The following FYB2 variants were observed in gnomAD, a reference collection of about 807,000 sequenced individuals.
FYB2 encodes the protein FYN binding protein 2.
Under a neutral mutation model 94.1 loss-of-function variants are expected in FYB2, and 103 were observed. That is an observed-to-expected ratio of 1.09 (90% CI 0.93 to 1.29). The LOEUF is 1.29. Among genes scored for constraint, FYB2 ranks in the 50% most tolerant of loss-of-function variants. The probability of loss-of-function intolerance (pLI) is 0.00; values close to 1 mark genes in which losing one functional copy is unlikely to be tolerated. For synonymous variants in FYB2, 293 were observed against 287.9 expected (o/e 1.02, Z -0.18); for missense variants, 896 against 841.5 (o/e 1.06, Z -0.80).
At chr1:56,763,718 G>A (rs1477744905) in intron 5 of FYB2, among the ~76,000 whole-genome samples, 2 of 151,692 alleles carry the variant, frequency 1.3e-5, no homozygotes, top group Non-Finnish European at 2.9e-5. Flanking sequence ...CTAGAAGTTT[G>A]TCAATTTTAT....
chr1:56,726,033 C>G (rs114869566), intron 16 of FYB2, among the ~76,000 whole-genome samples: 3 of 152,140 alleles, frequency 2.0e-5, no homozygotes, highest in African/African-American at 7.2e-5. Flanking sequence ...CTCAGTAAAA[C>G]ATTTTCTTGT....
At chr1:56,802,600 A>T (rs1027436633) in intron 1 of FYB2, among the ~76,000 whole-genome samples, 2 of 152,212 alleles carry the variant, frequency 1.3e-5, no homozygotes, top group Non-Finnish European at 2.9e-5. Flanking sequence ...CAGCTAGAGT[A>T]AAAATTGAGT....
At chr1:56,766,308 G>C (rs894086226) in intron 5 of FYB2, among the ~76,000 whole-genome samples, 2 of 152,148 alleles carry the variant, frequency 1.3e-5, no homozygotes, top group African/African-American at 2.4e-5. Flanking sequence ...CATTTTGGGG[G>C]TGCTGGGCAG....
At chr1:56,822,652 G>C (rs1646998992), upstream of FYB2, among the ~76,000 whole-genome samples, 1 of 151,696 alleles carries the variant, frequency 6.6e-6, no homozygotes, top group South Asian at 2.1e-4. Context: ...GAGCTCTGCA[G>C]TGTCTCCTAT....
rs1644931786 is a variant in FYB2, at chr1:56,740,703, T to C, written c.1697A>G (p.Asn566Ser). ...ATTTAAAGGGACTTTTTACCTTAAGTTTTCTTTCGACTTGGTTTTCTTTAT... is the reference window on the plus strand; with the variant it reads ...ATTTAAAGGGACTTTTTACCTTAAGCTTTCTTTCGACTTGGTTTTCTTTAT... ...FKIKKTKSKE[N>S]LSAFSILLPD... Residue 566 changes from asparagine (N) to serine (S), a missense_variant, in exon 13 of 20, where the codon AAC becomes AGC. Coordinates refer to ENST00000343433, the MANE Select transcript of FYB2 (RefSeq NM_001004303.5). 1 of 1,589,802 alleles carries C rather than the reference T, an allele frequency of 6.3e-7. No homozygotes were observed. The highest frequency in any genetic ancestry group is 1.4e-5 in the African/African-American group (1 of 74,032).
At chr1:56,788,656 C>T (rs998318914) in intron 3 of FYB2, among the ~76,000 whole-genome samples, 35 of 152,152 alleles carry the variant, frequency 2.3e-4, no homozygotes, top group Admixed American at 1.3e-4. Context: ...ATTGTGTTGA[C>T]AACACAGGTT....
chr1:56,794,269 G>C (rs1646343911), intron 1 of FYB2, among the ~76,000 whole-genome samples: 1 of 152,120 alleles, frequency 6.6e-6, no homozygotes, highest in African/African-American at 2.4e-5. Context: ...GTAGGTGTAG[G>C]CTTACCTCCT....
chr1:56,755,647 A>G (rs1375513329), intron 7 of FYB2, among the ~76,000 whole-genome samples: 1 of 152,142 alleles, frequency 6.6e-6, no homozygotes, highest in Admixed American at 6.5e-5. Context: ...TGGTGAGCAC[A>G]TATCTGGCAC....
At chr1:56,781,699 A>G (rs565536813) in intron 4 of FYB2, among the ~76,000 whole-genome samples, 45 of 152,284 alleles carry the variant, frequency 3.0e-4, no homozygotes, top group African/African-American at 1.1e-3. Context: ...GTGTCAGCTC[A>G]TGTCACTTCC....
chr1:56,810,804 A>T (rs999793714), intron 1 of FYB2, among the ~76,000 whole-genome samples: 6 of 152,202 alleles, frequency 3.9e-5, no homozygotes. Context: ...TAACAAGAGG[A>T]AATAATAAGA....
chr1:56,744,011 T>C lies in FYB2; in HGVS notation c.1543+15A>G. On this transcript the variant is annotated intron_variant, in intron 11 of 19. Coordinates refer to ENST00000343433, the MANE Select transcript of FYB2 (RefSeq NM_001004303.5). ...ATTCCTACTGGCAACTTCAGAAATG[T>C]CTTCCTATACTTACCACTACTTGAG... 1 of 1,610,568 alleles carries C rather than the reference T, an allele frequency of 6.2e-7. No homozygotes were observed. The highest frequency in any genetic ancestry group is 8.5e-7 in the Non-Finnish European group (1 of 1,178,426).
chr1:56,730,712 A>G (rs1272428745), intron 15 of FYB2, among the ~76,000 whole-genome samples: 1 of 152,102 alleles, frequency 6.6e-6, no homozygotes, highest in Non-Finnish European at 1.5e-5. Flanking sequence ...GAACCTTTAA[A>G]AAAGAATTAA....
rs1167236648 is a variant in FYB2, at chr1:56,774,038, C to T, written c.954-6100G>A. Among the ~76,000 whole-genome samples the T allele has an allele frequency of 3.3e-5, 5 of 152,200 alleles. No individual in the cohort carries two copies. The East Asian group carries it at 9.7e-4, about 29-fold the overall frequency. On this transcript the variant is annotated intron_variant, in intron 4 of 19. Coordinates refer to ENST00000343433, the MANE Select transcript of FYB2 (RefSeq NM_001004303.5). ...TTGGTGATTAAACTTTTAAAAGTGACATCCATACTAAATAAAATGGATCTC... is the reference window on the plus strand; with the variant it reads ...TTGGTGATTAAACTTTTAAAAGTGATATCCATACTAAATAAAATGGATCTC...
chr1:56,721,198 AAT>A (rs926044860), intron 17 of FYB2, among the ~76,000 whole-genome samples: 4 of 151,994 alleles, frequency 2.6e-5, no homozygotes, highest in Non-Finnish European at 5.9e-5. Context: ...ATCACTTTCT[AAT>A]GCACTGAAAT....
chr1:56,820,034 C>T (rs774490711), upstream of FYB2, among the ~76,000 whole-genome samples: 7 of 151,882 alleles, frequency 4.6e-5, no homozygotes, highest in South Asian at 2.1e-4. Context: ...TTGAGACCAG[C>T]GTGGCCAACA....
chr1:56,728,547 A>C (rs1644634097), intron 15 of FYB2, among the ~76,000 whole-genome samples: 1 of 152,174 alleles, frequency 6.6e-6, no homozygotes, highest in Admixed American at 6.6e-5. Context: ...TAACTTAAAT[A>C]GATAAAGTTA....
At chr1:56,760,471 A>G (rs900796847) in intron 5 of FYB2, among the ~76,000 whole-genome samples, 2 of 152,214 alleles carry the variant, frequency 1.3e-5, no homozygotes, top group Non-Finnish European at 2.9e-5. Context: ...GGGTAATTGT[A>G]CACATAATAC....
Position 56,718,982 on chromosome 1 carries a change from C to CA in FYB2, c.*688dup, listed in dbSNP as rs939052431. The CA allele has an allele frequency of 9.1e-4, 138 of 152,378 alleles. No homozygotes were observed. Among genetic ancestry groups the CA allele is most frequent in the African/African-American group, 3.2e-3 (134 of 41,472 alleles). 9.4% of individuals were successfully genotyped at this position (152,378 alleles called of 1,614,324 possible). A position where few individuals can be genotyped will look rare whatever the true frequency, so the allele number is the denominator to read the frequency against. ...TAATGACAATTGTTCTTATTTTGGACAAAAAGATGTTTTAAAGTAATACAG... is the reference window on the plus strand; with the variant it reads ...TAATGACAATTGTTCTTATTTTGGACAAAAAAGATGTTTTAAAGTAATACAG... On this transcript the variant is annotated 3_prime_UTR_variant, in exon 20 of 20. Coordinates refer to ENST00000343433, the MANE Select transcript of FYB2 (RefSeq NM_001004303.5).
intron 1 of FYB2, among the ~76,000 whole-genome samples, chr1:56,812,667 G>T (rs548980147): frequency 6.6e-6 from 1 of 152,270 alleles, no homozygotes; most frequent in South Asian, 2.1e-4. Flanking sequence ...AAACCCAGAA[G>T]TCAGTGATCA....
Sources: allele counts gnomAD v4.1 joint callset (sites outside exome capture counted in the v4.1 genomes callset), GRCh38; gene constraint gnomAD v4.1.1; transcripts MANE v1.5; gene names NCBI Gene and HGNC (gene_info 2026-07-23, HGNC 2026-07-21).